Variants in KIF5C observed in about 807,000 individuals in gnomAD.
KIF5C encodes the protein kinesin family member 5C, also known as kinesin heavy chain isoform 5C.
In KIF5C, 18 loss-of-function variants were observed where a neutral mutation model predicts 125.2. The ratio of observed to expected loss-of-function variants is 0.14; its 90% CI spans 0.10 to 0.21. KIF5C has a LOEUF of 0.21. Ranked by LOEUF, KIF5C falls within the 10% of genes least tolerant of loss-of-function variation. KIF5C has a pLI of 1.00. For synonymous variants in KIF5C, 405 were observed against 434.0 expected (o/e 0.93, Z 0.83); for missense variants, 780 against 1,183.8 (o/e 0.66, Z 5.01).
At chr2:148,992,872 T>A (rs955347141) in intron 16 of KIF5C, among the ~76,000 whole-genome samples, 1 of 152,366 alleles carries the variant, frequency 6.6e-6, no homozygotes, top group South Asian at 2.1e-4. Flanking sequence ...AGGTCATCTA[T>A]GATACCAAAA....
rs186115884 is a variant in KIF5C at position 148,964,223 on chromosome 2, C to T, written c.1117+2104C>T. Among the ~76,000 whole-genome samples, 1,024 of 150,484 alleles carry T rather than the reference C, an allele frequency of 6.8e-3. 9 individuals are homozygous for T. The highest frequency in any genetic ancestry group is 0.021 in the African/African-American group (876 of 40,916). On this transcript the variant is annotated intron_variant, in intron 11 of 25. Transcript: ENST00000435030. ...CCTGGAGGCGGAGGTTGCAGTGAGCCGAGAACCCACCATTGTACTCCAGCC... is the reference window on the plus strand; with the variant it reads ...CCTGGAGGCGGAGGTTGCAGTGAGCTGAGAACCCACCATTGTACTCCAGCC...
At chr2:148,907,530 G>T (rs1574718466) in intron 1 of KIF5C, among the ~76,000 whole-genome samples, 1 of 152,204 alleles carries the variant, frequency 6.6e-6, no homozygotes, top group East Asian at 1.9e-4. Context: ...TTATTCCTGG[G>T]TATATTGGAT....
chr2:148,996,963 G>A (rs565017757), intron 17 of KIF5C, among the ~76,000 whole-genome samples: 17 of 152,272 alleles, frequency 1.1e-4, no homozygotes, highest in Admixed American at 1.1e-3. Flanking sequence ...CCTCCCAGGT[G>A]TGCGGTGACA....
At chr2:148,967,784 G>A (rs1680779042) in intron 11 of KIF5C, among the ~76,000 whole-genome samples, 1 of 152,144 alleles carries the variant, frequency 6.6e-6, no homozygotes, top group Non-Finnish European at 1.5e-5. Flanking sequence ...TGGGGCAGTT[G>A]CCAGAAAATG....
Position 148,978,939 on chromosome 2 carries a change from G to A in KIF5C, c.1311G>A (p.Gln437=), listed in dbSNP as rs769759194. ...QLDDKDDEIN[Q]QSQLAEKLKQ... ...CGTTTCAGGATGATGAAATTAACCAGCAGAGCCAGCTGGCTGAAAAGCTGA... is the reference window on the plus strand; with the variant it reads ...CGTTTCAGGATGATGAAATTAACCAACAGAGCCAGCTGGCTGAAAAGCTGA... The change falls in exon 13 of 26, where the codon CAG becomes CAA. Residue 437 remains glutamine, a synonymous_variant. Transcript: ENST00000435030. 3.8e-6 allele frequency: 6 copies of A among 1,598,814 alleles called. No individual in the cohort carries two copies. The East Asian group carries it at 1.1e-4, about 30-fold the overall frequency.
rs551797105 is a variant in KIF5C, at chr2:149,004,576, GC to G, written c.2374-812del. The stretch of plus-strand genomic sequence containing the variant: ...ATAATCCAAAATGAAGGGAAAAAAT[GC>G]CCCCAAGATGACAGTGAAAGTTTTA... On this transcript the variant is annotated intron_variant, in intron 21 of 25. Transcript: ENST00000435030. 1.1e-4 allele frequency among the ~76,000 whole-genome samples: 16 copies of G among 152,206 alleles called. No homozygotes were observed. The South Asian group carries it at 3.3e-3, about 32-fold the overall frequency.
chr2:148,925,874 G>A (rs1248986564), intron 2 of KIF5C, among the ~76,000 whole-genome samples: 1 of 152,194 alleles, frequency 6.6e-6, no homozygotes, highest in Non-Finnish European at 1.5e-5. Context: ...TGAAGATGCA[G>A]CATGCCCTTG....
At chr2:148,919,959 G>A (rs1030641238) in intron 1 of KIF5C, among the ~76,000 whole-genome samples, 5 of 152,156 alleles carry the variant, frequency 3.3e-5, no homozygotes, top group South Asian at 2.1e-4. Flanking sequence ...ATGAAGAATC[G>A]CTGTATTATC....
intron 11 of KIF5C, among the ~76,000 whole-genome samples, chr2:148,963,915 A>T (rs1682987930): frequency 6.6e-6 from 1 of 152,082 alleles, no homozygotes; most frequent in South Asian, 2.1e-4. Context: ...CATCATGCTT[A>T]GCATCTTTTG....
chr2:148,946,124 G>A (rs937234044), intron 7 of KIF5C, among the ~76,000 whole-genome samples: 1 of 152,244 alleles, frequency 6.6e-6, no homozygotes, highest in East Asian at 1.9e-4. Context: ...ATATAGAAAT[G>A]CAACTGATTT....
chr2:148,881,028 A>G (rs937125429), intron 1 of KIF5C, among the ~76,000 whole-genome samples: 4 of 151,522 alleles, frequency 2.6e-5, no homozygotes, highest in Admixed American at 2.6e-4. Flanking sequence ...GCAGATAATA[A>G]TTACTTACCT....
chr2:148,942,017 C>G, intron 6 of KIF5C, 27 bp downstream of exon 6: 1 of 1,605,184 alleles, frequency 6.2e-7, no homozygotes, highest in South Asian at 1.1e-5. Context: ...ATTGGTGATG[C>G]AATTAATTTC....
chr2:148,992,123 G>A lies in KIF5C; in HGVS notation c.1905+925G>A, dbSNP rs77637224. Among the ~76,000 whole-genome samples, 57 of 152,272 alleles carry A rather than the reference G, an allele frequency of 3.7e-4. No individual in the cohort carries two copies. The East Asian group carries it at 8.9e-3, about 24-fold the overall frequency. On this transcript the variant is annotated intron_variant, in intron 16 of 25. Transcript: ENST00000435030. ...GCGGACAAAAGCACACTTTATTCTG[G>A]TATGCTTTTAACCATAATAATGTGT...
At chr2:148,890,551 T>TGA in intron 1 of KIF5C, among the ~76,000 whole-genome samples, 1 of 152,114 alleles carries the variant, frequency 6.6e-6, no homozygotes, top group Admixed American at 6.6e-5. Flanking sequence ...CAAGGAAGCA[T>TGA]GTGAGCCACT....
chr2:148,960,020 A>G (rs966068686), intron 10 of KIF5C, among the ~76,000 whole-genome samples: 6 of 152,144 alleles, frequency 3.9e-5, no homozygotes, highest in Non-Finnish European at 7.4e-5. Context: ...TTATTTCCCA[A>G]CACCTTTCCA....
chr2:148,976,058 C>A lies in KIF5C; in HGVS notation c.1293+2547C>A, dbSNP rs561249270. ...CACTCCTTGTCTCTTAGTCTCTGTC[C>A]CTCTACAGTACTGCTCTGCTCTTGG... On this transcript the variant is annotated intron_variant, in intron 12 of 25. Coordinates refer to ENST00000435030, the MANE Select transcript of KIF5C (RefSeq NM_004522.3). Among the ~76,000 whole-genome samples the A allele has an allele frequency of 2.6e-5, 4 of 152,130 alleles. No individual in the cohort carries two copies. In the East Asian group the frequency reaches 5.8e-4, roughly 22 times the overall value.
intron 18 of KIF5C, chr2:148,997,565 A>C (rs557345142): frequency 1.8e-4 from 126 of 716,014 alleles, no homozygotes; most frequent in Middle Eastern, 1.2e-3. Flanking sequence ...AGTTGCGTTA[A>C]TACCTTTGTC....
At chr2:148,892,748 A>G (rs1279881195) in intron 1 of KIF5C, among the ~76,000 whole-genome samples, 1 of 152,222 alleles carries the variant, frequency 6.6e-6, no homozygotes, top group Non-Finnish European at 1.5e-5. Flanking sequence ...CTTTTCTTGT[A>G]AAAACCTTTA....
At chr2:148,970,042 C>T (rs1418772798) in intron 11 of KIF5C, among the ~76,000 whole-genome samples, 1 of 152,134 alleles carries the variant, frequency 6.6e-6, no homozygotes, top group Non-Finnish European at 1.5e-5. Flanking sequence ...TCCTTACTGC[C>T]TGACCTTTAG....
Sources: allele counts gnomAD v4.1 joint callset (sites outside exome capture counted in the v4.1 genomes callset), GRCh38; gene constraint gnomAD v4.1.1; transcripts MANE v1.5; gene names NCBI Gene and HGNC (gene_info 2026-07-23, HGNC 2026-07-21).